Variants in SLC24A4 observed in about 807,000 individuals in gnomAD.
SLC24A4 encodes sodium/potassium/calcium exchanger 4.
A neutral mutation model predicts 79.0 loss-of-function variants in SLC24A4; 53 were observed. The observed-to-expected ratio is 0.67, with a 90% CI of 0.54 to 0.84. The LOEUF is 0.84. Among genes scored for constraint, SLC24A4 ranks in the 40% least tolerant of loss-of-function variants. The probability of loss-of-function intolerance (pLI) is 0.00; values close to 1 mark genes in which losing one functional copy is unlikely to be tolerated. For missense variants in SLC24A4, 731 were observed against 822.0 expected, an observed-to-expected ratio of 0.89 and a Z score of 1.35; for synonymous variants, 323 against 323.8, an observed-to-expected ratio of 1.00 and a Z score of 0.03.
chr14:92,349,247 C>T (rs1886727792), intron 2 of SLC24A4, among the ~76,000 whole-genome samples: 1 of 152,000 alleles, frequency 6.6e-6, no homozygotes, highest in Non-Finnish European at 1.5e-5. Context: ...GCAAACTCCA[C>T]CTCTTGAGTT....
At chr14:92,355,562 G>A (rs984110086) in intron 2 of SLC24A4, among the ~76,000 whole-genome samples, 1 of 152,210 alleles carries the variant, frequency 6.6e-6, no homozygotes, top group African/African-American at 2.4e-5. Context: ...TGCAGACATG[G>A]ATCTGGTGCT....
chr14:92,462,167 C>T (rs976791464), intron 12 of SLC24A4: 6 of 152,306 alleles, frequency 3.9e-5, no homozygotes, highest in East Asian at 1.9e-4. Context: ...CTGGTCCAGC[C>T]GGGAGCAGAG....
chr14:92,424,986 A>G (rs1302541713), intron 2 of SLC24A4, among the ~76,000 whole-genome samples: 1 of 152,182 alleles, frequency 6.6e-6, no homozygotes, highest in African/African-American at 2.4e-5. Context: ...ACCTGCCCCC[A>G]TGACCCAAAC....
At chr14:92,412,977 A>G (rs1890801330) in intron 2 of SLC24A4, among the ~76,000 whole-genome samples, 1 of 152,244 alleles carries the variant, frequency 6.6e-6, no homozygotes, top group Non-Finnish European at 1.5e-5. Flanking sequence ...GAACATAAAT[A>G]AAGTTTTATT....
rs545502322 is a variant in SLC24A4 at position 92,494,731 on chromosome 14, C to T, written c.*1103C>T. The T allele has an allele frequency of 1.3e-5, 2 of 152,274 alleles. No individual in the cohort carries two copies. Among genetic ancestry groups the T allele is most frequent in the African/African-American group, 2.4e-5 (1 of 41,444 alleles). The allele number at this position is 152,274 out of a possible 1,614,324, so 9.4% of individuals were successfully genotyped here. A position where few individuals can be genotyped will look rare whatever the true frequency, so the allele number is the denominator to read the frequency against. ...AAGAGATTGCCTGAAAAACAACAAACTGCTTTCTGGTTAGCTGAAGGCAAG... is the reference window on the plus strand; with the variant it reads ...AAGAGATTGCCTGAAAAACAACAAATTGCTTTCTGGTTAGCTGAAGGCAAG... On this transcript the variant is annotated 3_prime_UTR_variant, in exon 17 of 17. Coordinates refer to ENST00000532405, the MANE Select transcript of SLC24A4 (RefSeq NM_153646.4). This position sits in a 1 kb window ranked among gnomAD's most constrained non-coding sequence, Gnocchi z 4.6.
intron 2 of SLC24A4, among the ~76,000 whole-genome samples, chr14:92,426,592 A>G (rs1286965121): frequency 1.3e-5 from 2 of 152,222 alleles, no homozygotes; most frequent in Non-Finnish European, 2.9e-5. Flanking sequence ...AAAGAAAGAT[A>G]GGATTTTAAA....
At chr14:92,368,627 G>C (rs183876726) in intron 2 of SLC24A4, among the ~76,000 whole-genome samples, 1 of 152,272 alleles carries the variant, frequency 6.6e-6, no homozygotes, top group African/African-American at 2.4e-5. Context: ...AGACAAGGAA[G>C]ATAAAATATC....
At chr14:92,458,327 C>A (rs1348409736) in intron 12 of SLC24A4, among the ~76,000 whole-genome samples, 1 of 152,198 alleles carries the variant, frequency 6.6e-6, no homozygotes, top group Non-Finnish European at 1.5e-5. Context: ...TCAGGCCTCC[C>A]AGGCCTCCTC....
rs540405062 is a variant in SLC24A4, at chr14:92,461,028, G to A, written c.1255+4420G>A. Reference sequence around the variant, plus strand: ...AAAAGAGGAAGAGGCGCTTTCGCCCGTGGAAACCATGGTCTGCAGTGCTGG... The same window carrying A: ...AAAAGAGGAAGAGGCGCTTTCGCCCATGGAAACCATGGTCTGCAGTGCTGG... On this transcript the variant is annotated intron_variant, in intron 12 of 16. Coordinates refer to ENST00000532405, the MANE Select transcript of SLC24A4 (RefSeq NM_153646.4). Among the ~76,000 whole-genome samples the A allele has an allele frequency of 4.6e-5, 7 of 152,180 alleles. 1 individual carries two copies. Among genetic ancestry groups the A allele is most frequent in the South Asian group, 4.1e-4 (2 of 4,836 alleles).
chr14:92,356,429 A>G (rs1887185911), intron 2 of SLC24A4, among the ~76,000 whole-genome samples: 1 of 152,050 alleles, frequency 6.6e-6, no homozygotes, highest in African/African-American at 2.4e-5. Context: ...CACCATGAGG[A>G]CTGTGGCAAG....
rs1055050026 is a variant in SLC24A4, at chr14:92,482,813, G to A, written c.1389G>A (p.Trp463Ter). The change falls in exon 13 of 17, where the codon TGG (tryptophan) becomes TGA (stop). Residue 463 changes from tryptophan (W) to a stop codon, truncating the protein, a stop_gained. Transcript: ENST00000532405. LOFTEE classifies it high-confidence loss of function. ...FMVTFITATL[W>*]IAVFSYIMVW... ...TCACCTTCATCACCGCCACGCTGTGGATCGCTGTGTTCTCCTACATCATGG... is the reference window on the plus strand; with the variant it reads ...TCACCTTCATCACCGCCACGCTGTGAATCGCTGTGTTCTCCTACATCATGG... 2 of 1,613,754 alleles carry A rather than the reference G, an allele frequency of 1.2e-6. No homozygotes were observed. Among genetic ancestry groups the A allele is most frequent in the Non-Finnish European group, 1.7e-6 (2 of 1,179,742 alleles).
At chr14:92,492,842 C>T (rs532061502) in intron 16 of SLC24A4, 6 of 455,606 alleles carry the variant, frequency 1.3e-5, no homozygotes, top group East Asian at 7.0e-5. Flanking sequence ...CAGTGAGGTT[C>T]CTGGGATCCA....
At chr14:92,368,958 C>T (rs987942697) in intron 2 of SLC24A4, among the ~76,000 whole-genome samples, 3 of 152,170 alleles carry the variant, frequency 2.0e-5, no homozygotes, top group African/African-American at 4.8e-5. Context: ...GAGCTGGCAG[C>T]CAGTACTGGA....
chr14:92,382,666 A>G (rs137984308), intron 2 of SLC24A4, among the ~76,000 whole-genome samples: 105 of 152,330 alleles, frequency 6.9e-4, no homozygotes, highest in Non-Finnish European at 1.0e-3. Flanking sequence ...ACTGGAACCT[A>G]TGTCCAAGCT....
At position 92,325,957 on chromosome 14, in the gene SLC24A4, G is replaced by A; in HGVS notation, c.220G>A (p.Ala74Thr). 1 of 1,610,490 alleles carries A rather than the reference G, an allele frequency of 6.2e-7. No individual in the cohort carries two copies. Among genetic ancestry groups the A allele is most frequent in the Non-Finnish European group, 8.5e-7 (1 of 1,177,378 alleles). ...GGCCCCAGTGAATGGGACACAGACA[G>A]CCAAGAACTGCACAGATCCTGGTAA... ...LMAPVNGTQT[A>T]KNCTDPAIHE... Residue 74 changes from alanine (A) to threonine (T), a missense_variant, in exon 2 of 17, where the codon GCC (alanine) becomes ACC (threonine). Transcript: ENST00000532405.
At chr14:92,427,718 T>C (rs931997346) in intron 2 of SLC24A4, among the ~76,000 whole-genome samples, 7 of 152,244 alleles carry the variant, frequency 4.6e-5, no homozygotes, top group Non-Finnish European at 1.0e-4. Flanking sequence ...AGGAATTTAA[T>C]TCAGGGAATG....
intron 12 of SLC24A4, chr14:92,462,860 A>G (rs1414348444): frequency 1.3e-5 from 2 of 152,212 alleles, no homozygotes; most frequent in African/African-American, 4.8e-5. Context: ...GATTTACACA[A>G]TGGCCTCTGA....
At position 92,440,839 on chromosome 14, in the gene SLC24A4, G is replaced by C. The variant is rs552593114; in HGVS notation, c.394-1250G>C. Among the ~76,000 whole-genome samples, 3 of 151,630 alleles carry C rather than the reference G, an allele frequency of 2.0e-5. No homozygotes were observed. In the South Asian group the frequency reaches 6.3e-4, roughly 32 times the overall value. ...GTCCAGGTTTCAGAAGTGGGAAGGA[G>C]TTTAGCAAGCAGAGAGGGAAGGGAA... On this transcript the variant is annotated intron_variant, in intron 4 of 16. Coordinates refer to ENST00000532405, the MANE Select transcript of SLC24A4 (RefSeq NM_153646.4).
chr14:92,429,564 A>G (rs1242672105), intron 2 of SLC24A4, among the ~76,000 whole-genome samples: 1 of 152,234 alleles, frequency 6.6e-6, no homozygotes, highest in Non-Finnish European at 1.5e-5. Flanking sequence ...TGCAGGCAGA[A>G]TTGACCTACA....
Sources: allele counts gnomAD v4.1 joint callset (sites outside exome capture counted in the v4.1 genomes callset), GRCh38; gene constraint gnomAD v4.1.1; non-coding constraint Gnocchi (gnomAD v3.1); transcripts MANE v1.5; gene names NCBI Gene and HGNC (gene_info 2026-07-23, HGNC 2026-07-21).